The following STARD13 variants were observed in gnomAD, a reference collection of about 807,000 sequenced individuals.
STARD13 encodes stAR-related lipid transfer protein 13.
Under a neutral mutation model 106.4 loss-of-function variants are expected in STARD13, and 62 were observed. The observed-to-expected ratio is 0.58, with a 90% CI of 0.48 to 0.72. STARD13 has a LOEUF of 0.72. Among genes scored for constraint, STARD13 ranks in the 30% least tolerant of loss-of-function variants. The pLI, the probability that STARD13 is intolerant of heterozygous loss-of-function variation, is 0.00. For missense variants in STARD13, 1,387 were observed against 1,424.0 expected, an observed-to-expected ratio of 0.97 and a Z score of 0.42; for synonymous variants, 565 against 553.0, an observed-to-expected ratio of 1.02 and a Z score of -0.31.
chr13:33,409,108 C>T, the STARD13 span, among the ~76,000 whole-genome samples: 1 of 151,906 alleles, frequency 6.6e-6, no homozygotes, highest in Non-Finnish European at 1.5e-5. Flanking sequence ...AAAGAAAGCT[C>T]TATGAAGTCA....
At position 33,173,501 on chromosome 13, in the gene STARD13, A is replaced by G. The variant is rs114533193; in HGVS notation, c.170-5879T>C. Among the ~76,000 whole-genome samples the G allele has an allele frequency of 7.9e-3, 1,210 of 152,342 alleles. 18 individuals carry two copies. Among genetic ancestry groups the G allele is most frequent in the African/African-American group, 0.028 (1,153 of 41,576 alleles). On this transcript the variant is annotated intron_variant, in intron 1 of 13. Transcript: ENST00000336934. ...AAGGAATGTCAGATTTTTAGTAGTA[A>G]CAGACTTTGATTTACATCCCATGGT...
chr13:33,612,637 C>T, the STARD13 span, among the ~76,000 whole-genome samples: 1 of 152,174 alleles, frequency 6.6e-6, no homozygotes, highest in African/African-American at 2.4e-5. Context: ...GGAATATACC[C>T]ATTCACCCTG....
the STARD13 span, among the ~76,000 whole-genome samples, chr13:33,532,909 G>A: frequency 6.6e-6 from 1 of 152,066 alleles, no homozygotes; most frequent in African/African-American, 2.4e-5. Context: ...GGACCAGATG[G>A]GCACCTTCCA....
chr13:33,153,011 T>C (rs1325360), intron 3 of STARD13, among the ~76,000 whole-genome samples: 69,235 of 152,044 alleles, frequency 0.46, 16,629 homozygotes, highest in African/African-American at 0.6. Context: ...AGGAAAGGCA[T>C]GGACATTCTT....
chr13:33,385,218 A>AATATATATATATATATAT, the STARD13 span, among the ~76,000 whole-genome samples: 1 of 33,582 alleles, frequency 3.0e-5, no homozygotes, highest in Non-Finnish European at 6.7e-5. Context: ...AAAGGTTCGG[A>AATATATATATATATATAT]ATATATATAT....
chr13:33,440,974 C>T, the STARD13 span, among the ~76,000 whole-genome samples: 1 of 151,640 alleles, frequency 6.6e-6, no homozygotes, highest in Non-Finnish European at 1.5e-5. Context: ...ACACCTCAAA[C>T]TCTGTGTCCA....
At chr13:33,241,911 C>T (rs1010599216) in intron 1 of STARD13, among the ~76,000 whole-genome samples, 1 of 152,220 alleles carries the variant, frequency 6.6e-6, no homozygotes, top group South Asian at 2.1e-4. Flanking sequence ...TCCCAGCCGC[C>T]TGCCTTGGCC....
intron 7 of STARD13, among the ~76,000 whole-genome samples, chr13:33,122,053 C>T (rs1165230425): frequency 2.0e-5 from 3 of 152,150 alleles, no homozygotes; most frequent in African/African-American, 4.8e-5. Context: ...ACCATGTTGG[C>T]CAGGCTGGTC....
At chr13:33,635,369 C>G in the STARD13 span, among the ~76,000 whole-genome samples, 1 of 152,198 alleles carries the variant, frequency 6.6e-6, no homozygotes, top group African/African-American at 2.4e-5. Context: ...GATATAAAAA[C>G]ACTTAGCAGG....
At chr13:33,577,183 A>G in the STARD13 span, among the ~76,000 whole-genome samples, 1 of 152,214 alleles carries the variant, frequency 6.6e-6, no homozygotes, top group African/African-American at 2.4e-5. Flanking sequence ...TTTGTGCAGC[A>G]CAGACCTTGG....
the STARD13 span, among the ~76,000 whole-genome samples, chr13:33,638,187 A>T: frequency 2.3e-3 from 356 of 152,292 alleles, 1 homozygote; most frequent in African/African-American, 8.3e-3. Context: ...TCTCTCCATG[A>T]CTCAGAAGAT....
At chr13:33,381,008 C>A in the STARD13 span, among the ~76,000 whole-genome samples, 1 of 152,112 alleles carries the variant, frequency 6.6e-6, no homozygotes, top group East Asian at 1.9e-4. Flanking sequence ...GAGGTAGGAA[C>A]AAATTCTAGA....
At chr13:33,303,578 C>T (rs1035496295) in intron 1 of STARD13, among the ~76,000 whole-genome samples, 6 of 152,138 alleles carry the variant, frequency 3.9e-5, no homozygotes, top group Non-Finnish European at 8.8e-5. Flanking sequence ...AAGTACTGAC[C>T]AGGTTCCTCA....
Position 33,230,505 on chromosome 13 carries a change from T to C in STARD13, c.169+54965A>G, listed in dbSNP as rs1254518737. Among the ~76,000 whole-genome samples the C allele has an allele frequency of 4.6e-5, 7 of 152,372 alleles. No individual in the cohort carries two copies. In the East Asian group the frequency reaches 1.3e-3, roughly 29 times the overall value. ...TTCATTTTAAACAAACATTCATGAA[T>C]GCTGGGATACTGCTGAATGATTTTG... On this transcript the variant is annotated intron_variant, in intron 1 of 13. Transcript: ENST00000336934.
At chr13:33,312,779 G>C (rs1323643620) in intron 1 of STARD13, among the ~76,000 whole-genome samples, 1 of 152,150 alleles carries the variant, frequency 6.6e-6, no homozygotes, top group Non-Finnish European at 1.5e-5. Context: ...AGGACCTGTT[G>C]TTGGACACAG....
chr13:33,295,711 G>T (rs752401629), intron 1 of STARD13, among the ~76,000 whole-genome samples: 4 of 152,080 alleles, frequency 2.6e-5, no homozygotes, highest in Non-Finnish European at 5.9e-5. Context: ...GCCCGGGGGG[G>T]GCAGAGGAGA....
chr13:33,543,853 T>G, the STARD13 span, among the ~76,000 whole-genome samples: 75 of 152,234 alleles, frequency 4.9e-4, no homozygotes, highest in Non-Finnish European at 9.8e-4. Context: ...GCTTTGTCAA[T>G]AATGCTTTTT....
chr13:33,137,487 G>A (rs766972046), intron 4 of STARD13, among the ~76,000 whole-genome samples: 10 of 152,212 alleles, frequency 6.6e-5, no homozygotes, highest in Non-Finnish European at 1.5e-4. Context: ...AGTGAATGGG[G>A]AAATCCATAT....
At chr13:33,650,169 T>G in the STARD13 span, among the ~76,000 whole-genome samples, 10 of 23,088 alleles carry the variant, frequency 4.3e-4, no homozygotes, top group African/African-American at 3.4e-3. Context: ...CTCCAATTTT[T>G]TTTTTTTTTT....
Sources: allele counts gnomAD v4.1 joint callset (sites outside exome capture counted in the v4.1 genomes callset), GRCh38; gene constraint gnomAD v4.1.1; transcripts MANE v1.5; gene names NCBI Gene and HGNC (gene_info 2026-07-23, HGNC 2026-07-21).